TEKT5: variants seen among roughly 807,000 people sequenced by gnomAD.
TEKT5 encodes tektin-5.
Under a neutral mutation model 48.7 loss-of-function variants are expected in TEKT5, and 52 were observed. That is an observed-to-expected ratio of 1.07 (90% CI 0.86 to 1.35). The LOEUF (loss-of-function observed/expected upper bound fraction) is 1.35. TEKT5 is among the 40% of genes most tolerant of loss of function. The probability of loss-of-function intolerance (pLI) is 0.00; values close to 1 mark genes in which losing one functional copy is unlikely to be tolerated. For synonymous variants in TEKT5, 318 were observed against 267.6 expected (o/e 1.19, Z -1.84); for missense variants, 831 against 641.6 (o/e 1.30, Z -3.19).
chr16:10,630,821 C>A (rs1897828078), intron 6 of TEKT5, among the ~76,000 whole-genome samples: 1 of 151,964 alleles, frequency 6.6e-6, no homozygotes, highest in South Asian at 2.1e-4. Flanking sequence ...GGGTTCGAGA[C>A]CAGCCTGGTC....
intron 5 of TEKT5, among the ~76,000 whole-genome samples, chr16:10,668,362 G>C (rs900500197): frequency 2.6e-5 from 4 of 152,138 alleles, no homozygotes; most frequent in African/African-American, 9.7e-5. Flanking sequence ...TTCTCCCTGG[G>C]ATGCAGTGGT....
chr16:10,645,994 C>T (rs551313701), intron 5 of TEKT5, among the ~76,000 whole-genome samples: 11 of 151,590 alleles, frequency 7.3e-5, no homozygotes, highest in Non-Finnish European at 1.3e-4. Context: ...ACTGGCCAGG[C>T]ATATAGTGCA....
intron 5 of TEKT5, among the ~76,000 whole-genome samples, chr16:10,666,768 G>C (rs1455149763): frequency 6.6e-6 from 1 of 152,126 alleles, no homozygotes; most frequent in African/African-American, 2.4e-5. Context: ...CTCGTCAAAA[G>C]TGCCCTTGCA....
intron 5 of TEKT5, among the ~76,000 whole-genome samples, chr16:10,636,421 T>C (rs1261032944): frequency 1.3e-5 from 2 of 151,376 alleles, no homozygotes; most frequent in African/African-American, 4.8e-5. Context: ...GCTTCAGGTA[T>C]CCTCTTGTCA....
chr16:10,672,144 G>C (rs1429669209), intron 5 of TEKT5, among the ~76,000 whole-genome samples: 2 of 152,090 alleles, frequency 1.3e-5, no homozygotes, highest in Non-Finnish European at 2.9e-5. Context: ...ACACTTAAGA[G>C]TGGTTAAAAT....
chr16:10,630,990 T>C (rs1450071298), intron 6 of TEKT5, among the ~76,000 whole-genome samples: 1 of 151,788 alleles, frequency 6.6e-6, no homozygotes, highest in African/African-American at 2.4e-5. Flanking sequence ...GGCAGATCAC[T>C]TGAGGTAGAG....
chr16:10,665,311 C>T (rs116494817), intron 5 of TEKT5, among the ~76,000 whole-genome samples: 74 of 152,350 alleles, frequency 4.9e-4, no homozygotes, highest in African/African-American at 1.5e-3. Flanking sequence ...CTTCTCATCT[C>T]ACCAGGAACC....
intron 5 of TEKT5, among the ~76,000 whole-genome samples, chr16:10,674,859 G>A (rs1898616935): frequency 6.7e-6 from 1 of 150,140 alleles, no homozygotes; most frequent in South Asian, 2.1e-4. Flanking sequence ...GGGTCTCGCT[G>A]TCACCCAGGT....
At chr16:10,638,963 T>C (rs1897954277) in intron 5 of TEKT5, among the ~76,000 whole-genome samples, 3 of 152,186 alleles carry the variant, frequency 2.0e-5, no homozygotes, top group African/African-American at 7.2e-5. Context: ...TTTAGACTAG[T>C]GATAAGTGAC....
At chr16:10,647,330 G>A (rs1375621037) in intron 5 of TEKT5, among the ~76,000 whole-genome samples, 1 of 151,862 alleles carries the variant, frequency 6.6e-6, no homozygotes, top group Admixed American at 6.6e-5. Context: ...AAATAAGCCG[G>A]GCGTGGTGGT....
intron 5 of TEKT5, among the ~76,000 whole-genome samples, chr16:10,673,901 C>T (rs913951569): frequency 6.6e-5 from 10 of 152,070 alleles, no homozygotes; most frequent in African/African-American, 2.4e-4. Flanking sequence ...ATCCTCCTGC[C>T]TCTGCCTTCC....
chr16:10,642,901 G>C (rs1313498646), intron 5 of TEKT5, among the ~76,000 whole-genome samples: 2 of 152,048 alleles, frequency 1.3e-5, no homozygotes, highest in African/African-American at 4.8e-5. Flanking sequence ...GAGGTGGGAG[G>C]AATAAGTTCC....
chr16:10,652,869 A>ACC (rs1555465717), intron 5 of TEKT5, among the ~76,000 whole-genome samples: 1,875 of 88,882 alleles, frequency 0.021, 179 homozygotes, highest in African/African-American at 0.048. Flanking sequence ...ACACACACAC[A>ACC]CCCTCCAGGT....
At chr16:10,650,606 C>G (rs902405882) in intron 5 of TEKT5, among the ~76,000 whole-genome samples, 1 of 138,942 alleles carries the variant, frequency 7.2e-6, no homozygotes, top group African/African-American at 2.9e-5. Context: ...CACATCTGGC[C>G]AGGTGGGTGG....
At chr16:10,661,875 G>T (rs961485643) in intron 5 of TEKT5, among the ~76,000 whole-genome samples, 3 of 152,256 alleles carry the variant, frequency 2.0e-5, no homozygotes, top group East Asian at 1.9e-4. Flanking sequence ...ATCCTAGAAG[G>T]TGACTTCCAG....
intron 6 of TEKT5, among the ~76,000 whole-genome samples, chr16:10,634,346 T>C (rs999942739): frequency 1.3e-5 from 2 of 152,306 alleles, no homozygotes; most frequent in South Asian, 4.1e-4. Context: ...AGGATGGTCC[T>C]TTCAATCTTT....
At chr16:10,640,854 C>T (rs1470642601) in intron 5 of TEKT5, among the ~76,000 whole-genome samples, 2 of 152,052 alleles carry the variant, frequency 1.3e-5, no homozygotes, top group African/African-American at 4.8e-5. Flanking sequence ...ATAGCTAGAC[C>T]ACAATTTTCA....
intron 3 of TEKT5, among the ~76,000 whole-genome samples, chr16:10,688,085 G>A (rs541709347): frequency 1.5e-4 from 23 of 152,246 alleles, no homozygotes; most frequent in African/African-American, 5.1e-4. Context: ...TCAATTTATA[G>A]ACAAACTATA....
intron 4 of TEKT5, 27 bp from the exon 5 acceptor site, chr16:10,676,208 G>A (rs372711133): frequency 3.1e-6 from 5 of 1,610,400 alleles, no homozygotes; most frequent in Middle Eastern, 3.3e-4. Context: ...GTGAGTTGCA[G>A]CAGTCCTGGA....
Sources: allele counts gnomAD v4.1 joint callset (sites outside exome capture counted in the v4.1 genomes callset), GRCh38; gene constraint gnomAD v4.1.1; transcripts MANE v1.5; gene names NCBI Gene and HGNC (gene_info 2026-07-23, HGNC 2026-07-21).